The following ING5 variants were observed in gnomAD, a reference collection of about 807,000 sequenced individuals.
The protein encoded by ING5 is inhibitor of growth family member 5.
In ING5, 17 loss-of-function variants were observed where a neutral mutation model predicts 37.4. The observed-to-expected ratio is 0.45, with a 90% CI of 0.31 to 0.68. The LOEUF is 0.68. Ranked by LOEUF, ING5 falls within the 30% of genes least tolerant of loss-of-function variation. The pLI, the probability that ING5 is intolerant of heterozygous loss-of-function variation, is 0.05. For missense variants in ING5, 233 were observed against 311.9 expected (o/e 0.75, Z 1.91); for synonymous variants, 123 against 116.6 (o/e 1.06, Z -0.36).
chr2:241,711,696 T>C (rs2070115876), intron 4 of ING5: 5 of 566,084 alleles, frequency 8.8e-6, no homozygotes, highest in Non-Finnish European at 1.2e-5. Flanking sequence ...AGGCTAGGAG[T>C]TTGAGACCAA....
At position 241,720,050 on chromosome 2, in the gene ING5, C is replaced by T. The variant is rs564796931; in HGVS notation, c.483-2889C>T. 29 of 1,240,854 alleles carry T rather than the reference C, an allele frequency of 2.3e-5. No homozygotes were observed. The South Asian group carries it at 5.5e-4, about 24-fold the overall frequency. 76.9% of individuals were successfully genotyped at this position (1,240,854 alleles called of 1,614,324 possible). Reference sequence around the variant, plus strand: ...GGCCAGCTCTGAAGCTGGGCTCTGACGTCCAAGGCGCCAAGGAGGCCCCTT... The same window carrying T: ...GGCCAGCTCTGAAGCTGGGCTCTGATGTCCAAGGCGCCAAGGAGGCCCCTT... On this transcript the variant is annotated intron_variant, in intron 5 of 7. Coordinates refer to ENST00000313552, the MANE Select transcript of ING5 (RefSeq NM_032329.6).
intron 7 of ING5, among the ~76,000 whole-genome samples, chr2:241,724,371 T>A (rs529818223): frequency 1.3e-5 from 2 of 152,154 alleles, no homozygotes; most frequent in Admixed American, 6.5e-5. Context: ...GTACGGAGGC[T>A]GTTAGGGCGG....
At chr2:241,723,355 G>A (rs1049662552) in intron 7 of ING5, 84 bp downstream of exon 7, 3 of 1,410,920 alleles carry the variant, frequency 2.1e-6, no homozygotes, top group African/African-American at 1.4e-5. Context: ...GTGCTCCATG[G>A]CAGAATCTTG....
upstream of ING5, among the ~76,000 whole-genome samples, chr2:241,699,038 T>TGGGG (rs570586792): frequency 5.7e-4 from 79 of 139,128 alleles, 3 homozygotes; most frequent in African/African-American, 2.1e-3. Context: ...AATTTTTTTT[T>TGGGG]GGGGGGGGAG....
At chr2:241,723,736 A>C in intron 7 of ING5, 1 of 1,596,560 alleles carries the variant, frequency 6.3e-7, no homozygotes, top group Non-Finnish European at 8.5e-7. Flanking sequence ...TGTTTTCTCT[A>C]CCTGACCCTT....
chr2:241,722,333 C>G, intron 5 of ING5: 2 of 985,316 alleles, frequency 2.0e-6, no homozygotes, highest in Non-Finnish European at 2.4e-6. Flanking sequence ...CAGAGGTCCC[C>G]GGGGGAGTCC....
At chr2:241,700,257 C>T (rs1333136862), upstream of ING5, among the ~76,000 whole-genome samples, 1 of 148,756 alleles carries the variant, frequency 6.7e-6, no homozygotes, top group East Asian at 2.0e-4. Context: ...CCCGGGTTCA[C>T]GCCATTCTCC....
intron 2 of ING5, 150 bp downstream of exon 2, chr2:241,704,874 G>A: frequency 1.5e-6 from 1 of 656,146 alleles, no homozygotes; most frequent in Non-Finnish European, 2.8e-6. Context: ...TCAGTGTCTT[G>A]CAGTAGGTGT....
Position 241,691,925 on chromosome 2 carries a change from A to G in ING5, c.43+1272A>G, listed in dbSNP as rs535440019. 7.2e-5 allele frequency among the ~76,000 whole-genome samples: 11 copies of G among 152,142 alleles called. No individual in the cohort carries two copies. The South Asian group carries it at 2.3e-3, about 32-fold the overall frequency. Reference sequence around the variant, plus strand: ...ACAAAATAAATAGGTGGGCGTGCCTATAGTCCCAGCTACTTGGGAAGCTGA... The same window carrying G: ...ACAAAATAAATAGGTGGGCGTGCCTGTAGTCCCAGCTACTTGGGAAGCTGA... On this transcript the variant is annotated intron_variant, in intron 2 of 7. Coordinates refer to the ING5 transcript ENST00000636051.
intron 1 of ING5, among the ~76,000 whole-genome samples, chr2:241,689,285 G>C (rs546172261): frequency 1.4e-3 from 212 of 151,898 alleles, no homozygotes; most frequent in Non-Finnish European, 1.0e-3. Flanking sequence ...GCTAATTTTT[G>C]TATTAGTAGA....
At chr2:241,688,289 AT>A (rs2069484487) in intron 1 of ING5, among the ~76,000 whole-genome samples, 4 of 132,680 alleles carry the variant, frequency 3.0e-5, no homozygotes, top group Non-Finnish European at 5.1e-5. Flanking sequence ...TATAGATGAA[AT>A]TCAAAGCTGT....
intron 2 of ING5, among the ~76,000 whole-genome samples, chr2:241,705,703 G>T (rs1203161388): frequency 6.6e-6 from 1 of 152,164 alleles, no homozygotes; most frequent in Non-Finnish European, 1.5e-5. Context: ...ACCGCGCCCG[G>T]CCCTTAAACT....
intron 2 of ING5, chr2:241,694,198 C>T (rs1312681457): frequency 6.6e-6 from 1 of 151,490 alleles, no homozygotes; most frequent in Non-Finnish European, 1.5e-5. Flanking sequence ...AATCCCAGCA[C>T]TTTGGGAGAC....
chr2:241,706,443 G>A (rs971383769), intron 2 of ING5, among the ~76,000 whole-genome samples: 1 of 150,814 alleles, frequency 6.6e-6, no homozygotes, highest in Non-Finnish European at 1.5e-5. Flanking sequence ...CAGCCTGATC[G>A]ACATGGAGAA....
At chr2:241,720,308 C>T in intron 5 of ING5, 1 of 1,223,376 alleles carries the variant, frequency 8.2e-7, no homozygotes, top group Non-Finnish European at 1.0e-6. Flanking sequence ...CGCTGTGGTG[C>T]CAGGCCGCTC....
At chr2:241,692,155 CCA>C (rs1272904530) in intron 2 of ING5, among the ~76,000 whole-genome samples, 1 of 152,152 alleles carries the variant, frequency 6.6e-6, no homozygotes, top group East Asian at 1.9e-4. Context: ...ACACGCAGCA[CCA>C]GTCATGTGGT....
At chr2:241,720,569 C>A in intron 5 of ING5, 1 of 986,998 alleles carries the variant, frequency 1.0e-6, no homozygotes, top group Admixed American at 6.1e-5. Context: ...AGGGCAGTGT[C>A]ACCTGTAGCA....
At chr2:241,716,458 A>G (rs150927545) in intron 5 of ING5, among the ~76,000 whole-genome samples, 1,530 of 142,476 alleles carry the variant, frequency 0.011, 27 homozygotes, top group African/African-American at 0.036. Flanking sequence ...ACACCCGGCT[A>G]ATGTTTTTGT....
At chr2:241,720,572 C>T (rs1302344562) in intron 5 of ING5, 1 of 986,878 alleles carries the variant, frequency 1.0e-6, no homozygotes, top group African/African-American at 1.7e-5. Context: ...GCAGTGTCAC[C>T]TGTAGCACCT....
Sources: allele counts gnomAD v4.1 joint callset (sites outside exome capture counted in the v4.1 genomes callset), GRCh38; gene constraint gnomAD v4.1.1; transcripts MANE v1.5; gene names NCBI Gene and HGNC (gene_info 2026-07-23, HGNC 2026-07-21).